The following HPGD variants were observed in gnomAD, a reference collection of about 807,000 sequenced individuals.
HPGD encodes the protein 15-hydroxyprostaglandin dehydrogenase.
A neutral mutation model predicts 30.0 loss-of-function variants in HPGD; 29 were observed. The observed-to-expected ratio is 0.97, with a 90% CI of 0.72 to 1.32. The LOEUF (loss-of-function observed/expected upper bound fraction) is 1.32. Among genes scored for constraint, HPGD ranks in the 40% most tolerant of loss-of-function variants. The probability of loss-of-function intolerance (pLI) is 0.00; values close to 1 mark genes in which losing one functional copy is unlikely to be tolerated. For missense variants in HPGD, 340 were observed against 322.1 expected, an observed-to-expected ratio of 1.06 and a Z score of -0.43; for synonymous variants, 99 against 112.4, an observed-to-expected ratio of 0.88 and a Z score of 0.75.
In HPGD at chr4:174,508,759, C is replaced by T; in HGVS notation, c.358G>A (p.Asp120Asn). ...SVISGTYLGL[D>N]YMSKQNGGEG... ...CCTCCATTTTGCTTACTCATGTAAT[C>T]CAAACCAAGATAGGTTCCACTGATA... Residue 120 changes from aspartate (D) to asparagine (N), a missense_variant, in exon 4 of 7, where the codon GAT (aspartate) becomes AAT (asparagine). Transcript: ENST00000296522. 1 of 1,608,482 alleles carries T rather than the reference C, an allele frequency of 6.2e-7. No individual in the cohort carries two copies. Among genetic ancestry groups the T allele is most frequent in the Middle Eastern group, 1.7e-4 (1 of 6,054 alleles).
chr4:174,512,202 C>G (rs1236230474), intron 3 of HPGD, among the ~76,000 whole-genome samples: 1 of 152,132 alleles, frequency 6.6e-6, no homozygotes, highest in Non-Finnish European at 1.5e-5. Context: ...AGTGAATACT[C>G]TCATGTATGC....
intron 3 of HPGD, among the ~76,000 whole-genome samples, chr4:174,510,060 C>A (rs543803036): frequency 6.6e-6 from 1 of 152,108 alleles, no homozygotes; most frequent in African/African-American, 2.4e-5. Context: ...CTATTTTTTT[C>A]ATGCTTTACA....
chr4:174,498,106 G>A (rs1041580770), intron 4 of HPGD, among the ~76,000 whole-genome samples: 5 of 151,764 alleles, frequency 3.3e-5, no homozygotes, highest in Non-Finnish European at 5.9e-5. Context: ...TAGCCACCAC[G>A]CCCAGCTAAT....
rs2110877093 is a variant in HPGD at position 174,519,264 on chromosome 4, A to G, written c.218-1187T>C. Among the ~76,000 whole-genome samples the G allele has an allele frequency of 3.4e-5, 5 of 149,118 alleles. No homozygotes were observed. The South Asian group carries it at 1.1e-3, about 32-fold the overall frequency. Reference sequence around the variant, plus strand: ...AGCCTCGTTCTGTCCCCCAGGCTGGAGTGCAGTGGCCTGATCTCAGCTCAC... The same window carrying G: ...AGCCTCGTTCTGTCCCCCAGGCTGGGGTGCAGTGGCCTGATCTCAGCTCAC... On this transcript the variant is annotated intron_variant, in intron 2 of 6. Coordinates refer to ENST00000296522, the MANE Select transcript of HPGD (RefSeq NM_000860.6).
rs763421620 is a variant in HPGD, at chr4:174,522,376, G to T, written c.76C>A (p.Leu26Met). 2 of 1,571,038 alleles carry T rather than the reference G, an allele frequency of 1.3e-6. No individual in the cohort carries two copies. Among genetic ancestry groups the T allele is most frequent in the Admixed American group, 3.7e-5 (2 of 54,250 alleles). The change falls in exon 1 of 7, where the codon CTG (leucine) becomes ATG (methionine). Residue 26 changes from leucine (L) to methionine (M), a missense_variant. By Grantham distance (15) the Leu-to-Met change is conservative (BLOSUM62 2). Transcript: ENST00000296522. ...GIGRAFAEALLLKGAKVALVD... is the reference protein window; with the variant it reads ...GIGRAFAEALMLKGAKVALVD... ...GGGCTTACCTTGGCGCCCTTAAGCA[G>T]CAGCGCCTCTGCAAAGGCTCTGCCT...
intron 1 of HPGD, 52 bp from the exon 2 acceptor site, chr4:174,522,119 G>A: frequency 6.2e-7 from 1 of 1,612,928 alleles, no homozygotes; most frequent in Non-Finnish European, 8.5e-7. Context: ...CGAAATAGAC[G>A]GACAAACAAT....
At chr4:174,515,352 A>G (rs1323901487) in intron 3 of HPGD, among the ~76,000 whole-genome samples, 1 of 152,164 alleles carries the variant, frequency 6.6e-6, no homozygotes, top group African/African-American at 2.4e-5. Flanking sequence ...AGCCAGAAAT[A>G]AGGCTGTACA....
In HPGD at chr4:174,492,395, A is replaced by C. The variant is rs1734383377; in HGVS notation, c.663-301T>G. On this transcript the variant is annotated intron_variant, in intron 6 of 6. Coordinates refer to ENST00000296522, the MANE Select transcript of HPGD (RefSeq NM_000860.6). The surrounding 1 kb of genome is among the most constrained non-coding windows in gnomAD (Gnocchi z 4.9). Reference sequence around the variant, plus strand: ...GAATTTATACTCATTATTTTCACTGAGCAAATGATCATTTTCTCATCTTTA... The same window carrying C: ...GAATTTATACTCATTATTTTCACTGCGCAAATGATCATTTTCTCATCTTTA... 6.6e-6 allele frequency among the ~76,000 whole-genome samples: 1 copy of C among 151,978 alleles called. No homozygotes were observed. The highest frequency in any genetic ancestry group is 2.4e-5 in the African/African-American group (1 of 41,418).
intron 4 of HPGD, among the ~76,000 whole-genome samples, chr4:174,502,400 C>T (rs1734946183): frequency 6.6e-6 from 1 of 152,110 alleles, no homozygotes; most frequent in African/African-American, 2.4e-5. Context: ...CACATGCGGC[C>T]GGGCGCGGTG....
At chr4:174,504,744 T>A (rs1172660768) in intron 4 of HPGD, among the ~76,000 whole-genome samples, 2 of 150,736 alleles carry the variant, frequency 1.3e-5, no homozygotes, top group East Asian at 3.9e-4. Flanking sequence ...ACCTGAGAGG[T>A]GTTGGTTGTA....
intron 4 of HPGD, among the ~76,000 whole-genome samples, chr4:174,499,617 T>C (rs1734806290): frequency 6.6e-6 from 1 of 152,174 alleles, no homozygotes. Context: ...ATCACTCCAG[T>C]CAAACAGATC....
chr4:174,501,480 G>T (rs537024703), intron 4 of HPGD, among the ~76,000 whole-genome samples: 23 of 152,184 alleles, frequency 1.5e-4, no homozygotes, highest in Middle Eastern at 3.4e-3. Flanking sequence ...GTATTTTTCA[G>T]TACCTCTGAT....
At chr4:174,517,039 A>T (rs1006832815) in intron 3 of HPGD, among the ~76,000 whole-genome samples, 3 of 152,152 alleles carry the variant, frequency 2.0e-5, no homozygotes, top group African/African-American at 4.8e-5. Context: ...TGTACTCTAC[A>T]ATTACCTGCC....
intron 4 of HPGD, among the ~76,000 whole-genome samples, chr4:174,497,584 T>C (rs975349337): frequency 8.3e-6 from 1 of 120,498 alleles, no homozygotes; most frequent in Non-Finnish European, 1.7e-5. Context: ...TTTTTTTTTT[T>C]TTTTTTTTTT....
chr4:174,511,837 G>T (rs45557634), intron 3 of HPGD, among the ~76,000 whole-genome samples: 19,209 of 152,012 alleles, frequency 0.13, 1,506 homozygotes, highest in East Asian at 0.4. Context: ...TAGTAGAGAC[G>T]GGGTTTCATC....
At chr4:174,515,235 T>C (rs898766087) in intron 3 of HPGD, among the ~76,000 whole-genome samples, 3 of 152,144 alleles carry the variant, frequency 2.0e-5, no homozygotes, top group Non-Finnish European at 4.4e-5. Flanking sequence ...TGAACAAAGC[T>C]GGAGGCATCA....
At chr4:174,520,206 G>GTA (rs1736029837) in intron 2 of HPGD, among the ~76,000 whole-genome samples, 1 of 152,004 alleles carries the variant, frequency 6.6e-6, no homozygotes, top group South Asian at 2.1e-4. Context: ...CCTTACCAAT[G>GTA]TATAGTATAC....
intron 3 of HPGD, among the ~76,000 whole-genome samples, chr4:174,510,749 T>C (rs1735445002): frequency 6.6e-6 from 1 of 152,246 alleles, no homozygotes; most frequent in African/African-American, 2.4e-5. Flanking sequence ...GAAATGACAT[T>C]TTTCACTTTT....
chr4:174,514,870 T>C (rs1401562149), intron 3 of HPGD, among the ~76,000 whole-genome samples: 1 of 151,952 alleles, frequency 6.6e-6, no homozygotes, highest in Non-Finnish European at 1.5e-5. Flanking sequence ...CAAACACCAA[T>C]AATGTCCAAG....
Sources: allele counts gnomAD v4.1 joint callset (sites outside exome capture counted in the v4.1 genomes callset), GRCh38; gene constraint gnomAD v4.1.1; non-coding constraint Gnocchi (gnomAD v3.1); transcripts MANE v1.5; gene names NCBI Gene and HGNC (gene_info 2026-07-23, HGNC 2026-07-21).